ACSL6: variants seen among roughly 807,000 people sequenced by gnomAD.
ACSL6 encodes acyl-CoA synthetase long chain family member 6, also known as long-chain-fatty-acid--CoA ligase 6.
In ACSL6, 47 loss-of-function variants were observed where a neutral mutation model predicts 98.2. That is an observed-to-expected ratio of 0.48 (90% CI 0.38 to 0.61). ACSL6 has a LOEUF of 0.61. Ranked by LOEUF, ACSL6 falls within the 20% of genes least tolerant of loss-of-function variation. The probability of loss-of-function intolerance (pLI) is 0.00; values close to 1 mark genes in which losing one functional copy is unlikely to be tolerated. For missense variants in ACSL6, 761 were observed against 913.4 expected (o/e 0.83, Z 2.15); for synonymous variants, 362 against 336.9 (o/e 1.07, Z -0.82).
rs929859798 is a variant in ACSL6, at chr5:131,950,899, C to T, written c.*3335G>A. On this transcript the variant is annotated 3_prime_UTR_variant, in exon 21 of 21. Coordinates refer to ENST00000651883, the MANE Select transcript of ACSL6 (RefSeq NM_001009185.3). ...GTTTTAACTACATGTAGAATGAAAG[C>T]ATGACTTGCATAAATGAAGGAGACA... The T allele has an allele frequency of 1.6e-5, 3 of 189,168 alleles. No individual in the cohort carries two copies. The highest frequency in any genetic ancestry group is 3.3e-5 in the Non-Finnish European group (3 of 90,044). The allele number at this position is 189,168 out of a possible 1,614,324, so 11.7% of individuals were successfully genotyped here. A position where few individuals can be genotyped will look rare whatever the true frequency, so the allele number is the denominator to read the frequency against.
intron 11 of ACSL6, chr5:131,974,632 G>T: frequency 9.1e-7 from 1 of 1,095,106 alleles, no homozygotes; most frequent in Non-Finnish European, 1.3e-6. Flanking sequence ...TGAGCCCTCT[G>T]ACCCCTATGG....
chr5:131,966,314 A>G (rs1580635651), intron 17 of ACSL6, 102 bp downstream of exon 17: 1 of 1,148,052 alleles, frequency 8.7e-7, no homozygotes, highest in Non-Finnish European at 1.3e-6. Context: ...TGAATGACTC[A>G]TTGTCAGGGG....
rs1013767825 is a variant in ACSL6 at position 131,950,694 on chromosome 5, T to C, written c.*3540A>G. ...TTATATTTTAAATAACTATATTGCA[T>C]TTGTGCTTCATACATTTGGAAAATA... On this transcript the variant is annotated 3_prime_UTR_variant, in exon 21 of 21. Transcript: ENST00000651883. 15 of 191,842 alleles carry C rather than the reference T, an allele frequency of 7.8e-5. No homozygotes were observed. Among genetic ancestry groups the C allele is most frequent in the African/African-American group, 3.5e-4 (15 of 43,162 alleles). 11.9% of individuals were successfully genotyped at this position (191,842 alleles called of 1,614,324 possible).
intron 20 of ACSL6, among the ~76,000 whole-genome samples, chr5:131,958,229 C>T (rs1228825857): frequency 1.3e-5 from 2 of 152,174 alleles, no homozygotes; most frequent in African/African-American, 4.8e-5. Flanking sequence ...GGCGTGAAGG[C>T]CTTGTGAATG....
At chr5:132,005,350 G>A (rs1422323215) in intron 1 of ACSL6, among the ~76,000 whole-genome samples, 2 of 152,146 alleles carry the variant, frequency 1.3e-5, no homozygotes, top group Admixed American at 6.5e-5. Flanking sequence ...CCCTTCCAAA[G>A]CAGAGGGGTC....
Position 131,951,180 on chromosome 5 carries a change from A to G in ACSL6, c.*3054T>C, listed in dbSNP as rs79867633. ...ATAAAAAGGCCAAACATTTAAGAAC[A>G]TATTTACACTTAAGGAACTGATTAT... On this transcript the variant is annotated 3_prime_UTR_variant, in exon 21 of 21. Coordinates refer to ENST00000651883, the MANE Select transcript of ACSL6 (RefSeq NM_001009185.3). The G allele has an allele frequency of 3.7e-4, 78 of 210,572 alleles. No homozygotes were observed. The East Asian group carries it at 5.3e-3, about 14-fold the overall frequency. 13.0% of individuals were successfully genotyped at this position (210,572 alleles called of 1,614,324 possible).
At chr5:131,966,194 ACACC>A (rs1355423861) in intron 17 of ACSL6, among the ~76,000 whole-genome samples, 1 of 152,160 alleles carries the variant, frequency 6.6e-6, no homozygotes, top group African/African-American at 2.4e-5. Flanking sequence ...GACCTCAGCC[ACACC>A]CACCTGCACA....
At chr5:131,978,431 A>T (rs1753732637) in intron 9 of ACSL6, among the ~76,000 whole-genome samples, 2 of 152,224 alleles carry the variant, frequency 1.3e-5, no homozygotes, top group Admixed American at 1.3e-4. Flanking sequence ...CCCACTTCAA[A>T]CCTGGTAGGA....
intron 9 of ACSL6, 105 bp from the exon 10 acceptor site, chr5:131,976,826 G>T: frequency 1.1e-6 from 1 of 905,084 alleles, no homozygotes. Flanking sequence ...GTCTACCCAA[G>T]CCTCTGGCCT....
intron 15 of ACSL6, 29 bp from the exon 16 acceptor site, chr5:131,968,057 T>G (rs1421419200): frequency 6.9e-6 from 11 of 1,600,098 alleles, no homozygotes; most frequent in Non-Finnish European, 9.4e-6. Context: ...ATGGCATTTG[T>G]TAGTGTTCAG....
Position 131,951,925 on chromosome 5 carries a change from TCTAA to T in ACSL6, c.*2305_*2308del, listed in dbSNP as rs759506598. ...ATTAAGTTGTCCATAATCTGTTATA[TCTAA>T]CTATTATAAAGTATAAATAAAACAA... On this transcript the variant is annotated 3_prime_UTR_variant, in exon 21 of 21. Coordinates refer to ENST00000651883, the MANE Select transcript of ACSL6 (RefSeq NM_001009185.3). 8.1e-4 allele frequency: 140 copies of T among 171,948 alleles called. No homozygotes were observed. Among genetic ancestry groups the T allele is most frequent in the Middle Eastern group, 2.4e-3 (1 of 418 alleles). The allele number at this position is 171,948 out of a possible 1,614,324, so 10.7% of individuals were successfully genotyped here.
chr5:131,985,212 C>T (rs983346449), intron 9 of ACSL6, 195 bp downstream of exon 9: 1 of 660,772 alleles, frequency 1.5e-6, no homozygotes, highest in Non-Finnish European at 2.7e-6. Flanking sequence ...TCCCAATGCA[C>T]ACTATCCATC....
chr5:132,000,143 C>T (rs1755007304), intron 1 of ACSL6, among the ~76,000 whole-genome samples: 1 of 152,042 alleles, frequency 6.6e-6, no homozygotes, highest in African/African-American at 2.4e-5. Flanking sequence ...GCTCCCCACC[C>T]CCACAAGGTC....
chr5:131,972,173 A>C (rs1753344453), intron 13 of ACSL6, among the ~76,000 whole-genome samples: 1 of 152,248 alleles, frequency 6.6e-6, no homozygotes, highest in South Asian at 2.1e-4. Flanking sequence ...AACTAAAAAT[A>C]GAGTAGCAAG....
intron 1 of ACSL6, among the ~76,000 whole-genome samples, chr5:132,005,585 T>C (rs1051052819): frequency 4.6e-5 from 7 of 152,202 alleles, no homozygotes; most frequent in African/African-American, 1.7e-4. Flanking sequence ...GACCTCACTG[T>C]CTCTCCCAGT....
intron 6 of ACSL6, 197 bp from the exon 7 acceptor site, chr5:131,988,423 C>T (rs1754316229): frequency 2.2e-6 from 3 of 1,337,774 alleles, no homozygotes; most frequent in Non-Finnish European, 3.1e-6. Context: ...GGGCAGAAGG[C>T]CATGGAACCT....
intron 1 of ACSL6, among the ~76,000 whole-genome samples, chr5:131,995,694 C>T (rs763776149): frequency 3.3e-5 from 5 of 152,128 alleles, no homozygotes; most frequent in South Asian, 2.1e-4. Context: ...ATCATGACAC[C>T]GGAGATGAAG....
rs151118803 is a variant in ACSL6 at position 131,953,295 on chromosome 5, T to C, written c.*939A>G. 66 of 187,118 alleles carry C rather than the reference T, an allele frequency of 3.5e-4. No homozygotes were observed. Among genetic ancestry groups the C allele is most frequent in the Non-Finnish European group, 6.1e-4 (54 of 88,428 alleles). 11.6% of individuals were successfully genotyped at this position (187,118 alleles called of 1,614,324 possible). A position where few individuals can be genotyped will look rare whatever the true frequency, so the allele number is the denominator to read the frequency against. ...ATTGAAAGGTCTTTGTAAGTTACTATATAAATATGACATGTGTTTTAATAA... is the reference window on the plus strand; with the variant it reads ...ATTGAAAGGTCTTTGTAAGTTACTACATAAATATGACATGTGTTTTAATAA... On this transcript the variant is annotated 3_prime_UTR_variant, in exon 21 of 21. Transcript: ENST00000651883.
At chr5:131,994,918 A>G (rs1034133402) in intron 1 of ACSL6, among the ~76,000 whole-genome samples, 1 of 152,192 alleles carries the variant, frequency 6.6e-6, no homozygotes, top group Admixed American at 6.5e-5. Context: ...TGGCCCCACC[A>G]TAACTGGGCC....
Sources: allele counts gnomAD v4.1 joint callset (sites outside exome capture counted in the v4.1 genomes callset), GRCh38; gene constraint gnomAD v4.1.1; transcripts MANE v1.5; gene names NCBI Gene and HGNC (gene_info 2026-07-23, HGNC 2026-07-21).